Variants in SPAG17 observed in about 807,000 individuals in gnomAD.
The protein encoded by SPAG17 is sperm associated antigen 17, also known as sperm-associated antigen 17.
Under a neutral mutation model 273.6 loss-of-function variants are expected in SPAG17, and 169 were observed. The ratio of observed to expected loss-of-function variants is 0.62; its 90% CI spans 0.55 to 0.70. SPAG17 has a LOEUF of 0.70. Among genes scored for constraint, SPAG17 ranks in the 30% least tolerant of loss-of-function variants. SPAG17 has a pLI of 0.00. For missense variants in SPAG17, 2,557 were observed against 2,627.8 expected, an observed-to-expected ratio of 0.97 and a Z score of 0.59; for synonymous variants, 825 against 873.2, an observed-to-expected ratio of 0.94 and a Z score of 0.97.
At chr1:118,025,651 C>A (rs1042186142) in intron 26 of SPAG17, among the ~76,000 whole-genome samples, 1 of 152,052 alleles carries the variant, frequency 6.6e-6, no homozygotes, top group African/African-American at 2.4e-5. Context: ...CCACAACACC[C>A]TGTTAAGTTT....
chr1:117,966,819 G>T, intron 46 of SPAG17, 66 bp from the exon 47 acceptor site: 8 of 1,385,140 alleles, frequency 5.8e-6, no homozygotes, highest in Non-Finnish European at 6.8e-6. Flanking sequence ...TTAATAATAT[G>T]AATTTGAGCA....
chr1:118,022,143 G>A (rs996116806), intron 28 of SPAG17, among the ~76,000 whole-genome samples: 1 of 152,048 alleles, frequency 6.6e-6, no homozygotes, highest in African/African-American at 2.4e-5. Flanking sequence ...TAATTTAGGG[G>A]TTAGGGACCC....
chr1:117,990,481 T>C (rs1427357399), intron 38 of SPAG17, among the ~76,000 whole-genome samples: 1 of 152,196 alleles, frequency 6.6e-6, no homozygotes, highest in African/African-American at 2.4e-5. Context: ...GTGCAAAGTT[T>C]TGGTTATAAC....
At chr1:117,966,900 A>T in intron 46 of SPAG17, 147 bp from the exon 47 acceptor site, 1 of 608,372 alleles carries the variant, frequency 1.6e-6, no homozygotes, top group Non-Finnish European at 2.7e-6. Context: ...TAGTTATTAT[A>T]AGCATTTAGC....
chr1:117,996,384 A>G lies in SPAG17; in HGVS notation c.5039T>C (p.Val1680Ala). The change falls in exon 34 of 49, where the codon GTG (valine) becomes GCG (alanine). Residue 1680 changes from valine to alanine, a missense_variant. Transcript: ENST00000336338. ...GGGTCCTCTACCTGGCTGTTCCTGCACTGGCTCTTGGAGAACAACAGTATT... is the reference window on the plus strand; with the variant it reads ...GGGTCCTCTACCTGGCTGTTCCTGCGCTGGCTCTTGGAGAACAACAGTATT... ...ESNTVVLQEP[V>A]QEQPGTLTIT... The G allele has an allele frequency of 3.7e-6, 6 of 1,612,248 alleles. No homozygotes were observed. The highest frequency in any genetic ancestry group is 5.1e-6 in the Non-Finnish European group (6 of 1,178,980).
rs191550854 is a variant in SPAG17 at position 117,954,033 on chromosome 1, G to A, written c.*17C>T. On this transcript the variant is annotated 3_prime_UTR_variant, in exon 49 of 49. Transcript: ENST00000336338. ...CTGAGAGGATTATGGAGGCTATTGAGTTGTACCGAGAAGAAACTGCAAAAA... is the reference window on the plus strand; with the variant it reads ...CTGAGAGGATTATGGAGGCTATTGAATTGTACCGAGAAGAAACTGCAAAAA... 3 of 1,612,284 alleles carry A rather than the reference G, an allele frequency of 1.9e-6. No individual in the cohort carries two copies. Among genetic ancestry groups the A allele is most frequent in the African/African-American group, 2.7e-5 (2 of 74,886 alleles).
chr1:118,145,438 G>C (rs1658921731), intron 3 of SPAG17, among the ~76,000 whole-genome samples: 1 of 152,116 alleles, frequency 6.6e-6, no homozygotes, highest in Admixed American at 6.5e-5. Flanking sequence ...TCAAAAAATG[G>C]AACTATTACA....
At chr1:117,994,661 A>T (rs1186110103) in intron 34 of SPAG17, 131 bp from the exon 35 acceptor site, 2 of 900,154 alleles carry the variant, frequency 2.2e-6, no homozygotes, top group Middle Eastern at 4.7e-4. Flanking sequence ...AGACACAATG[A>T]CTATACTTAG....
At chr1:118,107,059 A>T (rs1389131646) in intron 4 of SPAG17, among the ~76,000 whole-genome samples, 1 of 152,200 alleles carries the variant, frequency 6.6e-6, no homozygotes, top group Non-Finnish European at 1.5e-5. Flanking sequence ...TCCAGACATC[A>T]TCATCTTTAA....
chr1:118,101,468 T>C (rs944854308), intron 5 of SPAG17, among the ~76,000 whole-genome samples: 2 of 152,154 alleles, frequency 1.3e-5, no homozygotes, highest in Admixed American at 1.3e-4. Context: ...TAGAAGTCTT[T>C]TTCTCTCAGG....
Position 118,089,354 on chromosome 1 carries a change from T to TGTGTGTGTGTGTGTGTGTGTGTGA in SPAG17, c.1359+2251_1359+2252insTCACACACACACACACACACACAC, listed in dbSNP as rs1207965049. Among the ~76,000 whole-genome samples, 1,441 of 150,700 alleles carry TGTGTGTGTGTGTGTGTGTGTGTGA rather than the reference T, an allele frequency of 9.6e-3. 23 individuals carry two copies. Among genetic ancestry groups the TGTGTGTGTGTGTGTGTGTGTGTGA allele is most frequent in the African/African-American group, 0.026 (1,074 of 41,000 alleles). On this transcript the variant is annotated intron_variant, in intron 10 of 48. Coordinates refer to ENST00000336338, the MANE Select transcript of SPAG17 (RefSeq NM_206996.4). ...TGACGTGTGTGTGTGTGTGTGTGTG[T>TGTGTGTGTGTGTGTGTGTGTGTGA]GGTGGCAGGTAGGAGGTGAGATGAC...
At chr1:118,050,468 A>G (rs1434575252) in intron 20 of SPAG17, among the ~76,000 whole-genome samples, 32 of 152,216 alleles carry the variant, frequency 2.1e-4, no homozygotes, top group Admixed American at 2.1e-3. Flanking sequence ...CACCACTGGT[A>G]ACAGTATCAC....
chr1:118,086,639 G>A (rs141927235), intron 12 of SPAG17, 32 bp downstream of exon 12: 8 of 1,575,924 alleles, frequency 5.1e-6, no homozygotes, highest in East Asian at 4.5e-5. Flanking sequence ...TTCCCACATC[G>A]GTTTTCCTTG....
chr1:117,957,272 C>G, intron 48 of SPAG17: 1 of 1,488,392 alleles, frequency 6.7e-7, no homozygotes. Flanking sequence ...AAGCTGTCAA[C>G]ACTTTGGGAT....
intron 24 of SPAG17, among the ~76,000 whole-genome samples, chr1:118,034,560 T>C (rs1489369622): frequency 6.6e-6 from 1 of 152,204 alleles, no homozygotes; most frequent in African/African-American, 2.4e-5. Context: ...AAGTAACACC[T>C]CTATGCTGTA....
chr1:118,035,363 T>A (rs2101899777), intron 24 of SPAG17, among the ~76,000 whole-genome samples: 1 of 152,276 alleles, frequency 6.6e-6, no homozygotes, highest in South Asian at 2.1e-4. Context: ...ATAGCAGGTA[T>A]AAATATCTTA....
chr1:118,066,368 T>C (rs184052460), intron 18 of SPAG17, among the ~76,000 whole-genome samples: 2 of 152,292 alleles, frequency 1.3e-5, no homozygotes, highest in African/African-American at 4.8e-5. Context: ...TTTTTGAATG[T>C]TCCCCAGATA....
At chr1:118,125,810 T>A (rs1325472489) in intron 3 of SPAG17, among the ~76,000 whole-genome samples, 1 of 152,238 alleles carries the variant, frequency 6.6e-6, no homozygotes, top group Non-Finnish European at 1.5e-5. Context: ...TCTTGGCTAC[T>A]GTGAATAGTG....
At chr1:118,107,847 A>C (rs1254493063) in intron 4 of SPAG17, among the ~76,000 whole-genome samples, 1 of 152,232 alleles carries the variant, frequency 6.6e-6, no homozygotes, top group Non-Finnish European at 1.5e-5. Flanking sequence ...AACTTTCTGC[A>C]TCATTTTTAC....
Sources: allele counts gnomAD v4.1 joint callset (sites outside exome capture counted in the v4.1 genomes callset), GRCh38; gene constraint gnomAD v4.1.1; transcripts MANE v1.5; gene names NCBI Gene and HGNC (gene_info 2026-07-23, HGNC 2026-07-21).